The following LUZP2 variants were observed in gnomAD, a reference collection of about 807,000 sequenced individuals.
The protein encoded by LUZP2 is leucine zipper protein 2.
LUZP2 carries 52 observed loss-of-function variants against 51.6 expected under a neutral mutation model. The ratio of observed to expected loss-of-function variants is 1.01; its 90% CI spans 0.81 to 1.27. The LOEUF (loss-of-function observed/expected upper bound fraction) is 1.27, where lower values mean the gene tolerates loss of function less well. Ranked by LOEUF, LUZP2 falls within the 50% of genes most tolerant of loss-of-function variation. LUZP2 has a pLI of 0.00. For missense variants in LUZP2, 436 were observed against 395.4 expected, an observed-to-expected ratio of 1.10 and a Z score of -0.87; for synonymous variants, 154 against 137.3, an observed-to-expected ratio of 1.12 and a Z score of -0.85.
intron 1 of LUZP2, among the ~76,000 whole-genome samples, chr11:24,587,741 C>T (rs749395145): frequency 6.6e-6 from 1 of 151,964 alleles, no homozygotes; most frequent in Non-Finnish European, 1.5e-5. Flanking sequence ...ACAACTATGA[C>T]ACAATCTCTG....
At chr11:24,662,271 A>G (rs987723947) in intron 1 of LUZP2, among the ~76,000 whole-genome samples, 1 of 152,072 alleles carries the variant, frequency 6.6e-6, no homozygotes, top group African/African-American at 2.4e-5. Flanking sequence ...AAAACAAAAC[A>G]GTTTTCTGTG....
At chr11:25,055,011 C>T (rs372203307) in intron 10 of LUZP2, among the ~76,000 whole-genome samples, 34 of 78,986 alleles carry the variant, frequency 4.3e-4, no homozygotes, top group East Asian at 6.5e-4. Context: ...TTTTTCTTTT[C>T]TTTTTTTTTT....
chr11:24,806,528 G>A (rs574308743), intron 5 of LUZP2, among the ~76,000 whole-genome samples: 9 of 152,206 alleles, frequency 5.9e-5, no homozygotes, highest in African/African-American at 1.9e-4. Context: ...ATTTTTACAA[G>A]GGAGGAGCAT....
intron 1 of LUZP2, among the ~76,000 whole-genome samples, chr11:24,515,347 A>T (rs1850431577): frequency 6.7e-6 from 1 of 149,388 alleles, no homozygotes; most frequent in Admixed American, 6.6e-5. Flanking sequence ...TCTGTAAATG[A>T]CACTTTTTAC....
At chr11:24,595,542 C>T (rs1853413239) in intron 1 of LUZP2, among the ~76,000 whole-genome samples, 1 of 152,104 alleles carries the variant, frequency 6.6e-6, no homozygotes, top group African/African-American at 2.4e-5. Context: ...CCAAAGTGCA[C>T]CTGTCAATTT....
At chr11:24,802,382 C>T (rs576229898) in intron 5 of LUZP2, among the ~76,000 whole-genome samples, 2 of 151,978 alleles carry the variant, frequency 1.3e-5, no homozygotes, top group East Asian at 3.9e-4. Context: ...GAACATTCTA[C>T]TACATGAGTT....
chr11:25,029,175 C>G (rs1857577908), intron 9 of LUZP2, among the ~76,000 whole-genome samples: 4 of 151,930 alleles, frequency 2.6e-5, no homozygotes, highest in South Asian at 2.1e-4. Context: ...TTTGATAGCA[C>G]AAGAGGGTGA....
intron 10 of LUZP2, among the ~76,000 whole-genome samples, chr11:25,051,537 T>C (rs550239089): frequency 1.3e-5 from 2 of 152,230 alleles, no homozygotes; most frequent in East Asian, 1.9e-4. Context: ...TCTTTGACAG[T>C]GAGCAAATTT....
chr11:24,511,014 T>A (rs1850293052), intron 1 of LUZP2, among the ~76,000 whole-genome samples: 2 of 152,146 alleles, frequency 1.3e-5, no homozygotes, highest in Admixed American at 1.3e-4. Flanking sequence ...TTATGAATAC[T>A]CCCCATTTGC....
chr11:24,657,055 C>G (rs1271363865), intron 1 of LUZP2, among the ~76,000 whole-genome samples: 2 of 152,090 alleles, frequency 1.3e-5, no homozygotes, highest in African/African-American at 4.8e-5. Context: ...CTTTGCTCCT[C>G]AGATACTATA....
At chr11:24,790,930 T>C (rs1849388230) in intron 5 of LUZP2, among the ~76,000 whole-genome samples, 1 of 152,224 alleles carries the variant, frequency 6.6e-6, no homozygotes, top group Admixed American at 6.5e-5. Context: ...GTGATCTTTT[T>C]TGTCTTAAGT....
At chr11:24,926,252 TAC>T (rs1771805441) in intron 7 of LUZP2, among the ~76,000 whole-genome samples, 2 of 146,244 alleles carry the variant, frequency 1.4e-5, no homozygotes, top group South Asian at 4.3e-4. Context: ...TGTATATATA[TAC>T]GTGTGTGTAT....
At chr11:25,072,362 G>A (rs1859183536) in intron 10 of LUZP2, among the ~76,000 whole-genome samples, 1 of 151,984 alleles carries the variant, frequency 6.6e-6, no homozygotes, top group South Asian at 2.1e-4. Context: ...TCAGTGCCTG[G>A]CTCATAATAG....
chr11:25,049,413 A>C (rs7106721), intron 9 of LUZP2, among the ~76,000 whole-genome samples: 72,066 of 151,842 alleles, frequency 0.47, 17,566 homozygotes, highest in Non-Finnish European at 0.51. Context: ...ATTAGGGCAT[A>C]CCCTTCTCTG....
chr11:24,686,697 G>C (rs543063438), intron 1 of LUZP2, among the ~76,000 whole-genome samples: 1 of 152,078 alleles, frequency 6.6e-6, no homozygotes. Flanking sequence ...GTCTATTTCT[G>C]TTGGCAGTAG....
intron 1 of LUZP2, among the ~76,000 whole-genome samples, chr11:24,504,997 G>A (rs959710435): frequency 4.6e-5 from 7 of 152,248 alleles, no homozygotes; most frequent in Admixed American, 1.3e-4. Flanking sequence ...CTCATCTTCA[G>A]GTTCCTCTTT....
chr11:24,625,734 T>C (rs1285000633), intron 1 of LUZP2, among the ~76,000 whole-genome samples: 1 of 151,618 alleles, frequency 6.6e-6, no homozygotes, highest in African/African-American at 2.4e-5. Flanking sequence ...GTTTTCCAAC[T>C]CCAGAAACCA....
At chr11:25,019,807 A>C (rs1857278090) in intron 9 of LUZP2, among the ~76,000 whole-genome samples, 1 of 152,096 alleles carries the variant, frequency 6.6e-6, no homozygotes, top group African/African-American at 2.4e-5. Flanking sequence ...GGCTACTGTC[A>C]GAGGCAGGAA....
chr11:24,942,705 A>AG (rs202159189), intron 7 of LUZP2, among the ~76,000 whole-genome samples: 1,605 of 152,190 alleles, frequency 0.011, 24 homozygotes, highest in African/African-American at 0.037. Context: ...TAGCTTTCAA[A>AG]GGGAAAAAAA....
Sources: allele counts gnomAD v4.1 joint callset (sites outside exome capture counted in the v4.1 genomes callset), GRCh38; gene constraint gnomAD v4.1.1; transcripts MANE v1.5; gene names NCBI Gene and HGNC (gene_info 2026-07-23, HGNC 2026-07-21).